Variants in ITGB2 observed in about 807,000 individuals in gnomAD.
The protein encoded by ITGB2 is integrin beta-2.
In ITGB2, 56 loss-of-function variants were observed where a neutral mutation model predicts 86.8. That is an observed-to-expected ratio of 0.65 (90% CI 0.52 to 0.81). The LOEUF is 0.81. Ranked by LOEUF, ITGB2 falls within the 30% of genes least tolerant of loss-of-function variation. ITGB2 has a pLI of 0.00. For synonymous variants in ITGB2, 457 were observed against 450.4 expected (o/e 1.01, Z -0.19); for missense variants, 948 against 1,061.2 (o/e 0.89, Z 1.48).
intron 1 of ITGB2, among the ~76,000 whole-genome samples, chr21:44,917,899 T>G (rs2084234958): frequency 6.6e-6 from 1 of 152,092 alleles, no homozygotes; most frequent in African/African-American, 2.4e-5. Flanking sequence ...CAGCCCGGGG[T>G]GGGCAGGGGC....
At chr21:44,901,115 G>T (rs2083949777) in intron 6 of ITGB2, among the ~76,000 whole-genome samples, 1 of 152,184 alleles carries the variant, frequency 6.6e-6, no homozygotes. Context: ...ACACTGGGCA[G>T]CCAGCGCCCA....
chr21:44,886,978 AC>A (rs1320248501), intron 14 of ITGB2, 76 bp from the exon 15 acceptor site: 3 of 1,558,868 alleles, frequency 1.9e-6, no homozygotes, highest in Non-Finnish European at 2.6e-6. Flanking sequence ...GTCCGAGGTC[AC>A]CCCACAACAC....
intron 11 of ITGB2, among the ~76,000 whole-genome samples, chr21:44,890,754 G>A (rs34675004): frequency 6.6e-6 from 1 of 152,024 alleles, no homozygotes; most frequent in Non-Finnish European, 1.5e-5. Context: ...CCTCAGAGAC[G>A]GCACTGCCAC....
chr21:44,903,959 A>ACG (rs2084004911), intron 4 of ITGB2, among the ~76,000 whole-genome samples: 2 of 152,214 alleles, frequency 1.3e-5, no homozygotes, highest in African/African-American at 4.8e-5. Context: ...AGCAAGGCCC[A>ACG]CGCGGGCCGT....
chr21:44,918,881 C>A (rs1464452751), intron 1 of ITGB2, among the ~76,000 whole-genome samples: 1 of 86,184 alleles, frequency 1.2e-5, no homozygotes, highest in East Asian at 3.0e-4. Context: ...CCAGCCCACG[C>A]CCACCAGGAA....
chr21:44,910,242 C>T (rs779875178), intron 3 of ITGB2, 42 bp downstream of exon 3: 11 of 1,605,038 alleles, frequency 6.9e-6, no homozygotes, highest in Middle Eastern at 1.7e-4. Flanking sequence ...GGGCCCTCAC[C>T]CAGGAGCTGG....
intron 12 of ITGB2, 51 bp downstream of exon 12, chr21:44,889,927 C>G (rs543193419): frequency 1.9e-6 from 3 of 1,609,348 alleles, no homozygotes; most frequent in African/African-American, 2.7e-5. Context: ...CCCCCAACAC[C>G]AAGTCTGTGC....
chr21:44,919,412 C>T lies in ITGB2; in HGVS notation c.-4+1409G>A, dbSNP rs142671750. On this transcript the variant is annotated intron_variant, in intron 1 of 15. Transcript: ENST00000652462. ...AGCTGGATGGGGAAGGAGTTCCTTCCTAAAATGTGGAGTCTGGAGGCCACT... is the reference window on the plus strand; with the variant it reads ...AGCTGGATGGGGAAGGAGTTCCTTCTTAAAATGTGGAGTCTGGAGGCCACT... Among the ~76,000 whole-genome samples, 514 of 152,204 alleles carry T rather than the reference C, an allele frequency of 3.4e-3. 3 individuals are homozygous for T. The highest frequency in any genetic ancestry group is 0.012 in the African/African-American group (492 of 41,464).
intron 6 of ITGB2, 50 bp downstream of exon 6, chr21:44,901,442 C>A: frequency 6.3e-7 from 1 of 1,599,520 alleles, no homozygotes; most frequent in Non-Finnish European, 8.5e-7. Context: ...CCTGACAGAG[C>A]CCCCCACACT....
In ITGB2 at chr21:44,900,479, A is replaced by G. The variant is rs1280161710; in HGVS notation, c.742-4T>C. The G allele has an allele frequency of 6.2e-7, 1 of 1,613,640 alleles. No individual in the cohort carries two copies. Among genetic ancestry groups the G allele is most frequent in the Non-Finnish European group, 8.5e-7 (1 of 1,179,922 alleles). ...CGTTGCGCCAGCCGATTTCCTCCTG[A>G]GAAGAAGGCGTGGGGGGCAGGGTTA... is the stretch of plus-strand genomic sequence containing the variant. On this transcript the variant is annotated splice_polypyrimidine_tract_variant and splice_region_variant and intron_variant, in intron 6 of 15. Transcript: ENST00000652462.
chr21:44,897,045 C>T (rs537231966), intron 8 of ITGB2, among the ~76,000 whole-genome samples: 3 of 152,278 alleles, frequency 2.0e-5, no homozygotes, highest in South Asian at 2.1e-4. Context: ...CCCTGCCCTG[C>T]GCTGACCCAC....
chr21:44,898,943 G>A, intron 8 of ITGB2, 124 bp downstream of exon 8: 1 of 800,234 alleles, frequency 1.2e-6, no homozygotes, highest in Non-Finnish European at 2.1e-6. Flanking sequence ...CAGGACCTGG[G>A]CCGGCTGGTT....
At chr21:44,926,520 C>T (rs905543507) in intron 1 of ITGB2, among the ~76,000 whole-genome samples, 9 of 152,196 alleles carry the variant, frequency 5.9e-5, no homozygotes, top group Non-Finnish European at 1.3e-4. Flanking sequence ...GGGGCCACGC[C>T]GGGCTGCTTC....
chr21:44,905,148 T>C (rs2084023988), intron 4 of ITGB2, among the ~76,000 whole-genome samples: 1 of 152,146 alleles, frequency 6.6e-6, no homozygotes. Context: ...GCCCCGTCCC[T>C]TCCCTTCCAG....
intron 5 of ITGB2, among the ~76,000 whole-genome samples, chr21:44,902,634 T>C (rs1461467092): frequency 6.6e-6 from 1 of 152,046 alleles, no homozygotes; most frequent in Non-Finnish European, 1.5e-5. Context: ...CATGTGAGGA[T>C]ACATTCATGT....
Position 44,917,901 on chromosome 21 carries a change from G to T in ITGB2, c.-4+2920C>A, listed in dbSNP as rs180678235. ...CGGAGAGAACACGCAGCCCGGGGTG[G>T]GCAGGGGCCTCAGCTCAGGACAGCA... On this transcript the variant is annotated intron_variant, in intron 1 of 15. Transcript: ENST00000652462. Among the ~76,000 whole-genome samples, 6 of 152,336 alleles carry T rather than the reference G, an allele frequency of 3.9e-5. No homozygotes were observed. The East Asian group carries it at 1.2e-3, about 29-fold the overall frequency.
chr21:44,901,889 C>T (rs548612513), intron 5 of ITGB2, 156 bp from the exon 6 acceptor site: 120 of 821,322 alleles, frequency 1.5e-4, no homozygotes, highest in Admixed American at 2.3e-4. Context: ...TGAGCATGTG[C>T]GTTGTGCAAG....
At chr21:44,925,414 GGGAGGGAGGGAAGGAAGGAAGGAA>G (rs1472519902), upstream of ITGB2, among the ~76,000 whole-genome samples, 15 of 106,852 alleles carry the variant, frequency 1.4e-4, no homozygotes, top group Non-Finnish European at 1.8e-4. Context: ...AAGGAAGGGA[GGGAGGGAGGGAAGGAAGGAAGGAA>G]GGAAGGAAGG....
intron 4 of ITGB2, among the ~76,000 whole-genome samples, chr21:44,905,759 C>T (rs2084033060): frequency 1.3e-5 from 2 of 152,134 alleles, no homozygotes; most frequent in Admixed American, 6.5e-5. Context: ...GGGCCCTGCT[C>T]CTGCAGGACC....
Sources: gnomAD v4.1 joint callset for allele counts (sites outside exome capture counted in the v4.1 genomes callset) on GRCh38, gnomAD v4.1.1 for gene constraint, MANE v1.5 for transcripts, NCBI Gene and HGNC (gene_info 2026-07-23, HGNC 2026-07-21) for gene names.